CLPB: variants seen among roughly 807,000 people sequenced by gnomAD.
The protein encoded by CLPB is mitochondrial disaggregase.
CLPB carries 40 observed loss-of-function variants against 78.4 expected under a neutral mutation model. The observed-to-expected ratio is 0.51, with a 90% CI of 0.40 to 0.66. The LOEUF (loss-of-function observed/expected upper bound fraction) is 0.66. Ranked by LOEUF, CLPB falls within the 30% of genes least tolerant of loss-of-function variation. The pLI is 0.00. For missense variants in CLPB, 780 were observed against 886.9 expected, an observed-to-expected ratio of 0.88 and a Z score of 1.53; for synonymous variants, 333 against 348.0, an observed-to-expected ratio of 0.96 and a Z score of 0.48.
intron 4 of CLPB, among the ~76,000 whole-genome samples, chr11:72,374,381 A>G (rs1221350574): frequency 1.3e-5 from 2 of 152,242 alleles, no homozygotes; most frequent in Admixed American, 6.5e-5. Flanking sequence ...TAGAGCTTAG[A>G]TGAATCATTC....
intron 5 of CLPB, chr11:72,355,379 G>C (rs1438285665): frequency 6.6e-6 from 1 of 152,128 alleles, no homozygotes; most frequent in African/African-American, 2.4e-5. Context: ...CCTTAAGGTA[G>C]GAGTAAAGGT....
At chr11:72,408,291 T>C in intron 2 of CLPB, 4 of 943,872 alleles carry the variant, frequency 4.2e-6, no homozygotes, top group African/African-American at 1.6e-5. Context: ...AGCTGTGAAA[T>C]GGAAGATATT....
intron 6 of CLPB, among the ~76,000 whole-genome samples, chr11:72,319,456 T>G (rs899024477): frequency 6.6e-6 from 1 of 152,244 alleles, no homozygotes; most frequent in African/African-American, 2.4e-5. Context: ...TCTGCTTTAA[T>G]TCTTTCAGCT....
intron 5 of CLPB, among the ~76,000 whole-genome samples, chr11:72,335,379 TACATCTC>T (rs1950301519): frequency 6.6e-6 from 1 of 152,210 alleles, no homozygotes; most frequent in African/African-American, 2.4e-5. Context: ...TCCCTTCTAC[TACATCTC>T]AAACGGGTGG....
Position 72,294,692 on chromosome 11 carries a change from C to A in CLPB, c.1488G>T (p.Gly496=). 6.2e-7 allele frequency: 1 copy of A among 1,613,492 alleles called. No homozygotes were observed. Among genetic ancestry groups the A allele is most frequent in the Non-Finnish European group, 8.5e-7 (1 of 1,179,402 alleles). The part of the protein sequence containing the change: ...MSRNRIAENL[G]DVQISDKITI... ...TGATCTTGTCACTTATCTGGACATC[C>A]CCTGTGGAGAAGAATCATAAACTGC... Residue 496 remains glycine (G), a splice_region_variant and synonymous_variant, in exon 13 of 16, where the codon GGG becomes GGT. Transcript: ENST00000538039.
rs146691958 is a variant in CLPB, at chr11:72,354,333, T to C, written c.775+4547A>G. On this transcript the variant is annotated intron_variant, in intron 5 of 15. Coordinates refer to ENST00000538039, the MANE Select transcript of CLPB (RefSeq NM_001258392.3). ...CATTTTAGATTCCTGGGAGAGAAGT[T>C]AATTCCTGTGTACGATGGATGCCTT... The C allele has an allele frequency of 2.3e-4, 90 of 398,140 alleles. No homozygotes were observed. The East Asian group carries it at 3.1e-3, about 14-fold the overall frequency. 24.7% of individuals were successfully genotyped at this position (398,140 alleles called of 1,614,324 possible).
intron 5 of CLPB, among the ~76,000 whole-genome samples, chr11:72,346,588 A>G (rs773540561): frequency 1.1e-4 from 15 of 135,660 alleles, no homozygotes; most frequent in Admixed American, 1.4e-4. Context: ...GCTATATGTT[A>G]AAAAAAAAAA....
intron 5 of CLPB, among the ~76,000 whole-genome samples, chr11:72,345,739 AC>A (rs1950500836): frequency 6.6e-6 from 1 of 152,238 alleles, no homozygotes; most frequent in Non-Finnish European, 1.5e-5. Context: ...TGAAAAATTA[AC>A]CCAACTGTAT....
chr11:72,428,900 G>A (rs1856465235), intron 2 of CLPB: 1 of 152,250 alleles, frequency 6.6e-6, no homozygotes, highest in Non-Finnish European at 1.5e-5. Flanking sequence ...ATGCCTGGCA[G>A]CTCAATGGAA....
intron 7 of CLPB, among the ~76,000 whole-genome samples, chr11:72,313,279 G>A (rs1391389522): frequency 1.3e-5 from 2 of 152,174 alleles, no homozygotes; most frequent in Non-Finnish European, 2.9e-5. Flanking sequence ...AACATGGTAA[G>A]TACTCGACAG....
At position 72,301,895 on chromosome 11, in the gene CLPB, A is replaced by G. The variant is rs1271470965; in HGVS notation, c.1237T>C (p.Leu413=). 2.5e-6 allele frequency: 4 copies of G among 1,614,118 alleles called. No individual in the cohort carries two copies. In the Admixed American group the frequency reaches 6.7e-5, roughly 27 times the overall value. Residue 413 remains leucine (L), a synonymous_variant, in exon 11 of 16, where the codon TTG becomes CTG. Coordinates refer to ENST00000538039, the MANE Select transcript of CLPB (RefSeq NM_001258392.3). ...ACCACAGCATTGGGGCACTGCTTCA[A>G]CTTCTTGGTCAGCTGGCCACCCTCC... ...HEEGGQLTKK[L]KQCPNAVVLF...
chr11:72,416,366 A>G (rs1052727272), intron 2 of CLPB, among the ~76,000 whole-genome samples: 1 of 152,182 alleles, frequency 6.6e-6, no homozygotes, highest in African/African-American at 2.4e-5. Context: ...TGAAAGACAA[A>G]GGTCATCATG....
chr11:72,329,917 C>A, intron 5 of CLPB, 113 bp from the exon 6 acceptor site: 3 of 726,028 alleles, frequency 4.1e-6, no homozygotes, highest in Admixed American at 2.8e-5. Context: ...TCCATGGACA[C>A]CTACAAATGG....
intron 5 of CLPB, among the ~76,000 whole-genome samples, chr11:72,349,723 G>T (rs1425943151): frequency 6.6e-6 from 1 of 152,198 alleles, no homozygotes; most frequent in Non-Finnish European, 1.5e-5. Context: ...CTTTATCTGT[G>T]CATTCTGCCC....
intron 7 of CLPB, among the ~76,000 whole-genome samples, chr11:72,315,594 T>G (rs1949927229): frequency 6.6e-6 from 1 of 152,232 alleles, no homozygotes; most frequent in Non-Finnish European, 1.5e-5. Context: ...ATAAATTCAC[T>G]GTATTACTTT....
At chr11:72,317,274 C>T (rs1165417293) in intron 6 of CLPB, 54 bp from the exon 7 acceptor site, 2 of 1,326,222 alleles carry the variant, frequency 1.5e-6, no homozygotes, top group East Asian at 2.5e-5. Context: ...AGCACCATAG[C>T]TTCACTCTAT....
At chr11:72,324,377 G>A (rs1009747229) in intron 6 of CLPB, among the ~76,000 whole-genome samples, 1 of 152,198 alleles carries the variant, frequency 6.6e-6, no homozygotes, top group South Asian at 2.1e-4. Context: ...AGACCAGCCT[G>A]GCCAACATGG....
chr11:72,422,461 A>G (rs1342740669), intron 2 of CLPB, among the ~76,000 whole-genome samples: 1 of 152,158 alleles, frequency 6.6e-6, no homozygotes, highest in African/African-American at 2.4e-5. Context: ...TTTCTGTAAC[A>G]TTATGCTGCC....
chr11:72,358,242 G>A (rs1004190262), intron 5 of CLPB, among the ~76,000 whole-genome samples: 4 of 152,200 alleles, frequency 2.6e-5, no homozygotes, highest in Middle Eastern at 3.2e-3. Flanking sequence ...CTTACTAAGT[G>A]CCAAGTACTA....
Sources: allele counts gnomAD v4.1 joint callset (sites outside exome capture counted in the v4.1 genomes callset), GRCh38; gene constraint gnomAD v4.1.1; transcripts MANE v1.5; gene names NCBI Gene and HGNC (gene_info 2026-07-23, HGNC 2026-07-21).